The following FOXP2 variants were observed in gnomAD, a reference collection of about 807,000 sequenced individuals.
FOXP2 encodes the protein forkhead box protein P2.
In FOXP2, 12 loss-of-function variants were observed where a neutral mutation model predicts 115.8. The ratio of observed to expected loss-of-function variants is 0.10; its 90% confidence interval spans 0.07 to 0.17. The LOEUF (loss-of-function observed/expected upper bound fraction) is 0.17. Among genes scored for constraint, FOXP2 ranks in the 10% least tolerant of loss-of-function variants. The pLI is 1.00. For synonymous variants in FOXP2, 328 were observed against 297.7 expected (o/e 1.10, Z -1.05); for missense variants, 629 against 843.5 (o/e 0.75, Z 3.15).
At chr7:114,105,852 G>T (rs1791098326) in intron 1 of FOXP2, among the ~76,000 whole-genome samples, 1 of 152,036 alleles carries the variant, frequency 6.6e-6, no homozygotes, top group African/African-American at 2.4e-5. Context: ...AAATAGCAAA[G>T]CCCAGAGTAA....
chr7:114,302,099 T>C (rs1173251769), intron 2 of FOXP2, among the ~76,000 whole-genome samples: 1 of 152,208 alleles, frequency 6.6e-6, no homozygotes, highest in South Asian at 2.1e-4. Flanking sequence ...AACTTCTAGA[T>C]TGTAATTATC....
intron 3 of FOXP2, among the ~76,000 whole-genome samples, chr7:114,549,414 A>G (rs1469992150): frequency 6.6e-6 from 1 of 152,132 alleles, no homozygotes; most frequent in Non-Finnish European, 1.5e-5. Context: ...GTTTGGGGGA[A>G]TAGAAGGAGG....
chr7:114,531,235 A>T (rs548397261), intron 2 of FOXP2, among the ~76,000 whole-genome samples: 1 of 151,944 alleles, frequency 6.6e-6, no homozygotes, highest in South Asian at 2.1e-4. Flanking sequence ...CTAAATGACT[A>T]GATGGCGCAG....
At chr7:114,414,420 C>A (rs1200750743), upstream of FOXP2, 2 of 152,502 alleles carry the variant, frequency 1.3e-5, no homozygotes, top group African/African-American at 4.8e-5. Context: ...TTGACAAACA[C>A]CATTAGCTGA....
upstream of FOXP2, among the ~76,000 whole-genome samples, chr7:114,161,629 C>T (rs1003450877): frequency 6.6e-6 from 1 of 150,796 alleles, no homozygotes; most frequent in Non-Finnish European, 1.5e-5. Flanking sequence ...TTGCCCTAAA[C>T]ACGTGTATGT....
chr7:114,383,922 C>A (rs1360236058), intron 2 of FOXP2, among the ~76,000 whole-genome samples: 1 of 152,186 alleles, frequency 6.6e-6, no homozygotes, highest in East Asian at 1.9e-4. Flanking sequence ...CTCTGCTTAT[C>A]AGATTAGTGA....
intron 2 of FOXP2, among the ~76,000 whole-genome samples, chr7:114,329,944 G>A (rs1797660110): frequency 6.6e-6 from 1 of 152,120 alleles, no homozygotes; most frequent in East Asian, 1.9e-4. Context: ...CAAAGTGCTG[G>A]GATTACAGGT....
intron 6 of FOXP2, among the ~76,000 whole-genome samples, chr7:114,637,629 C>G (rs760683720): frequency 6.6e-6 from 1 of 152,028 alleles, no homozygotes; most frequent in African/African-American, 2.4e-5. Context: ...TCCCTGCCAT[C>G]ATAAAACATA....
At chr7:114,327,288 T>TTGAA (rs373735644) in intron 2 of FOXP2, among the ~76,000 whole-genome samples, 37 of 152,272 alleles carry the variant, frequency 2.4e-4, no homozygotes, top group Non-Finnish European at 3.2e-4. Context: ...GAATGAATAC[T>TTGAA]TGAATGAATG....
Position 114,098,302 on chromosome 7 carries a change from G to A in FOXP2, c.-247+10464G>A, listed in dbSNP as rs116881245. Among the ~76,000 whole-genome samples the A allele has an allele frequency of 8.5e-3, 1,297 of 152,246 alleles. 14 individuals carry two copies. Among genetic ancestry groups the A allele is most frequent in the Non-Finnish European group, 0.013 (899 of 68,026 alleles). On this transcript the variant is annotated intron_variant, in intron 1 of 19. Coordinates refer to the FOXP2 transcript ENST00000635638. ...ATGACTTTCAAAAACCATAGATGGA[G>A]GCATCACATTTCCTGATTTAAAATT...
At chr7:114,508,878 G>C (rs1797944948) in intron 2 of FOXP2, among the ~76,000 whole-genome samples, 1 of 152,062 alleles carries the variant, frequency 6.6e-6, no homozygotes, top group Admixed American at 6.6e-5. Context: ...TAAGGAAGCA[G>C]TATTGACAAG....
intron 2 of FOXP2, among the ~76,000 whole-genome samples, chr7:114,357,883 A>G (rs779661294): frequency 3.3e-5 from 5 of 152,164 alleles, no homozygotes; most frequent in Non-Finnish European, 5.9e-5. Flanking sequence ...CAATTTAGAG[A>G]TTGTCATGTG....
chr7:114,626,079 C>G lies in FOXP2; in HGVS notation c.259-2461C>G, dbSNP rs143266421. ...TTTTAAAAAATCACATACATGTGAC[C>G]ATTTAAAACATATGATCTTAAGAAG... On this transcript the variant is annotated intron_variant, in intron 3 of 16. Coordinates refer to ENST00000350908, the MANE Select transcript of FOXP2 (RefSeq NM_014491.4). Among the ~76,000 whole-genome samples, 141 of 151,772 alleles carry G rather than the reference C, an allele frequency of 9.3e-4. 1 individual carries two copies. The highest frequency in any genetic ancestry group is 1.1e-3 in the Non-Finnish European group (74 of 67,730).
At chr7:114,559,283 AT>A (rs1287943592) in intron 3 of FOXP2, among the ~76,000 whole-genome samples, 3 of 152,122 alleles carry the variant, frequency 2.0e-5, no homozygotes, top group African/African-American at 7.2e-5. Flanking sequence ...CAAGTTGTAT[AT>A]GTACACAGTG....
At chr7:114,421,846 G>T (rs1173041160) in intron 1 of FOXP2, among the ~76,000 whole-genome samples, 1 of 151,716 alleles carries the variant, frequency 6.6e-6, no homozygotes, top group Non-Finnish European at 1.5e-5. Context: ...AATGCACTAT[G>T]CATGGTGCCT....
In FOXP2 at chr7:114,223,918, C is replaced by T. The variant is rs185254977; in HGVS notation, c.-102+60830C>T. On this transcript the variant is annotated intron_variant, in intron 1 of 17. Coordinates refer to the FOXP2 transcript ENST00000634411. The stretch of plus-strand genomic sequence containing the variant: ...CTACTTAGGAAAATATTTTTTATCC[C>T]ACAATCACAAAGTTATTTTCCTTTA... Among the ~76,000 whole-genome samples, 221 of 151,586 alleles carry T rather than the reference C, an allele frequency of 1.5e-3. 7 individuals carry two copies. In the East Asian group the frequency reaches 0.029, roughly 20 times the overall value.
chr7:114,394,222 T>G (rs1241967122), intron 2 of FOXP2, among the ~76,000 whole-genome samples: 7 of 151,978 alleles, frequency 4.6e-5, no homozygotes, highest in Non-Finnish European at 7.4e-5. Context: ...AGGAAACACT[T>G]AAGGAATGAT....
rs1806675985 is a variant in FOXP2 at position 114,658,000 on chromosome 7, C to T, written c.1267-66C>T. 5 of 1,581,834 alleles carry T rather than the reference C, an allele frequency of 3.2e-6. No individual in the cohort carries two copies. The East Asian group carries it at 9.0e-5, about 28-fold the overall frequency. On this transcript the variant is annotated intron_variant, in intron 10 of 16. Coordinates refer to ENST00000350908, the MANE Select transcript of FOXP2 (RefSeq NM_014491.4). ...TAGAAGTGAATCCACTCTCATTTGTCAAACCTTTTTAAGTCTTTTTCTCTT... is the reference window on the plus strand; with the variant it reads ...TAGAAGTGAATCCACTCTCATTTGTTAAACCTTTTTAAGTCTTTTTCTCTT...
At chr7:114,168,237 G>A (rs1793035583) in intron 1 of FOXP2, among the ~76,000 whole-genome samples, 1 of 152,202 alleles carries the variant, frequency 6.6e-6, no homozygotes, top group African/African-American at 2.4e-5. Context: ...ACAGGCAGAG[G>A]TTGGAACAGT....
Sources: allele counts gnomAD v4.1 joint callset (sites outside exome capture counted in the v4.1 genomes callset), GRCh38; gene constraint gnomAD v4.1.1; transcripts MANE v1.5; gene names NCBI Gene and HGNC (gene_info 2026-07-23, HGNC 2026-07-21).